The following CSMD3 variants were observed in gnomAD, a reference collection of about 807,000 sequenced individuals.
The protein encoded by CSMD3 is CUB and Sushi multiple domains 3, also known as CUB and sushi domain-containing protein 3.
Under a neutral mutation model 435.2 loss-of-function variants are expected in CSMD3, and 177 were observed. The observed-to-expected ratio is 0.41, with a 90% CI of 0.36 to 0.46. The LOEUF is 0.46. Among genes scored for constraint, CSMD3 ranks in the 20% least tolerant of loss-of-function variants. The pLI is 0.34. For synonymous variants in CSMD3, 1,656 were observed against 1,520.5 expected (o/e 1.09, Z -2.07); for missense variants, 4,265 against 4,504.6 (o/e 0.95, Z 1.52).
At chr8:113,244,516 A>T (rs1359304278) in intron 3 of CSMD3, among the ~76,000 whole-genome samples, 1 of 152,016 alleles carries the variant, frequency 6.6e-6, no homozygotes, top group Non-Finnish European at 1.5e-5. Flanking sequence ...GGGTTTCACC[A>T]TGTTAGTCAG....
At chr8:112,966,585 TTTG>T (rs1253543352) in intron 7 of CSMD3, among the ~76,000 whole-genome samples, 7 of 151,810 alleles carry the variant, frequency 4.6e-5, no homozygotes, top group Non-Finnish European at 4.4e-5. Context: ...TATTTTTCTC[TTTG>T]TTATTTGATA....
At chr8:112,749,225 TA>T (rs1249471362) in intron 13 of CSMD3, among the ~76,000 whole-genome samples, 2 of 152,156 alleles carry the variant, frequency 1.3e-5, no homozygotes, top group African/African-American at 4.8e-5. Context: ...AAGTTGCTTA[TA>T]GATCCTGGAT....
intron 13 of CSMD3, among the ~76,000 whole-genome samples, chr8:112,787,813 A>G (rs939623915): frequency 9.2e-5 from 14 of 152,210 alleles, no homozygotes; most frequent in Admixed American, 5.9e-4. Flanking sequence ...TGGTCGGGAG[A>G]GGAGGTATGT....
At chr8:112,375,657 T>C (rs971085551) in intron 38 of CSMD3, among the ~76,000 whole-genome samples, 1 of 151,770 alleles carries the variant, frequency 6.6e-6, no homozygotes, top group Non-Finnish European at 1.5e-5. Context: ...TCTTGTTAAA[T>C]ATTAATGATC....
intron 1 of CSMD3, among the ~76,000 whole-genome samples, chr8:113,363,196 C>A (rs2094288668): frequency 1.3e-5 from 2 of 152,138 alleles, no homozygotes; most frequent in Non-Finnish European, 2.9e-5. Flanking sequence ...GATCACAACT[C>A]CTGAAGTTCA....
chr8:112,975,413 T>A (rs1242523094), intron 7 of CSMD3, among the ~76,000 whole-genome samples: 1 of 152,122 alleles, frequency 6.6e-6, no homozygotes, highest in Non-Finnish European at 1.5e-5. Context: ...CATAAAAATA[T>A]CATGCAAACG....
At chr8:113,319,146 G>A (rs964160020) in intron 1 of CSMD3, among the ~76,000 whole-genome samples, 14 of 151,786 alleles carry the variant, frequency 9.2e-5, no homozygotes, top group African/African-American at 2.2e-4. Context: ...CAGTTTTTTC[G>A]TAATGGCTGT....
chr8:113,276,190 A>C (rs567353341), intron 3 of CSMD3, among the ~76,000 whole-genome samples: 142 of 152,274 alleles, frequency 9.3e-4, no homozygotes, highest in Admixed American at 1.6e-3. Flanking sequence ...TGGAACTTGC[A>C]CATATGTCAT....
rs145527192 is a variant in CSMD3 at position 112,467,742 on chromosome 8, C to G, written c.5395+4849G>C. Reference sequence around the variant, plus strand: ...GAAAAAACAGACAGACACACAGAAACAGACAGTTAGGAGAAACGGTCTTGT... The same window carrying G: ...GAAAAAACAGACAGACACACAGAAAGAGACAGTTAGGAGAAACGGTCTTGT... On this transcript the variant is annotated intron_variant, in intron 32 of 70. Transcript: ENST00000297405. Among the ~76,000 whole-genome samples the G allele has an allele frequency of 9.1e-4, 139 of 152,140 alleles. No individual in the cohort carries two copies. The East Asian group carries it at 0.015, about 16-fold the overall frequency.
At chr8:113,205,110 A>G (rs903059726) in intron 3 of CSMD3, among the ~76,000 whole-genome samples, 30 of 151,886 alleles carry the variant, frequency 2.0e-4, no homozygotes, top group African/African-American at 7.0e-4. Context: ...CAGCCTCCCA[A>G]GTAGCTAGGA....
intron 4 of CSMD3, among the ~76,000 whole-genome samples, chr8:113,115,131 G>A (rs1181337085): frequency 6.6e-6 from 1 of 152,102 alleles, no homozygotes; most frequent in East Asian, 1.9e-4. Context: ...CACTGACCTA[G>A]GAAAATTCTG....
chr8:112,799,931 T>C (rs1416454114), intron 13 of CSMD3, among the ~76,000 whole-genome samples: 2 of 151,904 alleles, frequency 1.3e-5, no homozygotes, highest in Non-Finnish European at 2.9e-5. Context: ...TATAATATAC[T>C]GGGAGAAAGA....
intron 6 of CSMD3, among the ~76,000 whole-genome samples, chr8:113,005,150 A>C (rs2086009798): frequency 6.6e-6 from 1 of 151,950 alleles, no homozygotes; most frequent in East Asian, 1.9e-4. Context: ...ATAAACCCAA[A>C]CCAAAAACTA....
intron 5 of CSMD3, among the ~76,000 whole-genome samples, chr8:113,056,624 T>A (rs1276394583): frequency 1.3e-5 from 2 of 152,224 alleles, no homozygotes; most frequent in Non-Finnish European, 2.9e-5. Context: ...TTATCTGTTC[T>A]CTTCACTCTC....
intron 32 of CSMD3, among the ~76,000 whole-genome samples, chr8:112,424,278 A>G (rs1218618606): frequency 3.3e-5 from 5 of 152,214 alleles, no homozygotes; most frequent in African/African-American, 1.2e-4. Flanking sequence ...TCTATTTACT[A>G]ATTGGTTCCT....
intron 2 of CSMD3, among the ~76,000 whole-genome samples, chr8:113,290,610 T>C (rs1282509076): frequency 6.6e-6 from 1 of 151,806 alleles, no homozygotes; most frequent in Middle Eastern, 3.4e-3. Flanking sequence ...AAAATATTAT[T>C]TCTAATCATT....
intron 12 of CSMD3, among the ~76,000 whole-genome samples, chr8:112,808,952 A>G (rs186693078): frequency 7.9e-5 from 12 of 152,268 alleles, no homozygotes; most frequent in East Asian, 1.9e-4. Context: ...ATAGATTTCT[A>G]TAAGATGAAT....
At chr8:113,205,862 T>C (rs1387560421) in intron 3 of CSMD3, among the ~76,000 whole-genome samples, 1 of 152,164 alleles carries the variant, frequency 6.6e-6, no homozygotes, top group East Asian at 1.9e-4. Context: ...CAAGTAGACT[T>C]TACTCTCACT....
chr8:112,231,487 T>C (rs2129888174), intron 69 of CSMD3, 58 bp downstream of exon 69: 1 of 1,084,626 alleles, frequency 9.2e-7, no homozygotes, highest in Non-Finnish European at 1.4e-6. Context: ...CACAGTCTTT[T>C]TTTTATGATG....
Sources: allele counts gnomAD v4.1 joint callset (sites outside exome capture counted in the v4.1 genomes callset), GRCh38; gene constraint gnomAD v4.1.1; transcripts MANE v1.5; gene names NCBI Gene and HGNC (gene_info 2026-07-23, HGNC 2026-07-21).